Variants in PRKD1 observed in about 807,000 individuals in gnomAD.
The protein encoded by PRKD1 is protein kinase D1.
Under a neutral mutation model 95.9 loss-of-function variants are expected in PRKD1, and 63 were observed. The observed-to-expected ratio is 0.66, with a 90% CI of 0.54 to 0.81. The LOEUF (loss-of-function observed/expected upper bound fraction) is 0.81. PRKD1 is among the 30% of genes least tolerant of loss of function. PRKD1 has a pLI of 0.00. For missense variants in PRKD1, 1,048 were observed against 1,165.3 expected, an observed-to-expected ratio of 0.90 and a Z score of 1.47; for synonymous variants, 425 against 423.1, an observed-to-expected ratio of 1.00 and a Z score of -0.05.
chr14:29,810,931 A>G (rs968766376), intron 1 of PRKD1, among the ~76,000 whole-genome samples: 1 of 152,236 alleles, frequency 6.6e-6, no homozygotes, highest in Non-Finnish European at 1.5e-5. Flanking sequence ...ACATATTTAT[A>G]TCATTATGGG....
chr14:29,802,675 C>A (rs1319234194), intron 1 of PRKD1, among the ~76,000 whole-genome samples: 2 of 152,186 alleles, frequency 1.3e-5, no homozygotes, highest in Non-Finnish European at 2.9e-5. Flanking sequence ...GTGTTTACAT[C>A]AAATTATCCA....
chr14:29,740,294 C>G (rs1886930085), intron 1 of PRKD1, among the ~76,000 whole-genome samples: 2 of 151,972 alleles, frequency 1.3e-5, no homozygotes, highest in Non-Finnish European at 2.9e-5. Context: ...ATTACTTTAA[C>G]AAATTAAAAA....
chr14:29,872,720 T>C (rs949695573), intron 1 of PRKD1, among the ~76,000 whole-genome samples: 1 of 151,960 alleles, frequency 6.6e-6, no homozygotes, highest in African/African-American at 2.4e-5. Context: ...TTCTTGCCCT[T>C]TAGAATATTT....
At chr14:29,921,208 A>T (rs536805380) in intron 1 of PRKD1, among the ~76,000 whole-genome samples, 1 of 152,186 alleles carries the variant, frequency 6.6e-6, no homozygotes, top group African/African-American at 2.4e-5. Flanking sequence ...TGTGTCTTTC[A>T]TTTAGTAATA....
intron 16 of PRKD1, among the ~76,000 whole-genome samples, chr14:29,587,632 T>G (rs1892984000): frequency 6.6e-6 from 1 of 152,168 alleles, no homozygotes; most frequent in Admixed American, 6.5e-5. Context: ...GAACTGTATT[T>G]TGCTTGCTAT....
intron 2 of PRKD1, among the ~76,000 whole-genome samples, chr14:29,707,931 T>G (rs921780525): frequency 6.6e-6 from 1 of 152,148 alleles, no homozygotes; most frequent in Non-Finnish European, 1.5e-5. Context: ...CTCTCAAAAA[T>G]ATCTGGCTAA....
intron 1 of PRKD1, among the ~76,000 whole-genome samples, chr14:29,748,828 A>G (rs1422636981): frequency 6.6e-6 from 1 of 152,240 alleles, no homozygotes; most frequent in Non-Finnish European, 1.5e-5. Flanking sequence ...CCTATCACAT[A>G]TTAAGTTTTC....
chr14:29,634,404 C>T lies in PRKD1; in HGVS notation c.1314+14G>A, dbSNP rs1293967270. 1 of 1,613,834 alleles carries T rather than the reference C, an allele frequency of 6.2e-7. No individual in the cohort carries two copies. Among genetic ancestry groups the T allele is most frequent in the African/African-American group, 1.3e-5 (1 of 74,968 alleles). On this transcript the variant is annotated intron_variant, in intron 8 of 17. Transcript: ENST00000331968. ...CTAGCAAGGCAAGAGAACATTGTTC[C>T]CTGTGGATCTTACCAGCGTGTCCTT...
intron 1 of PRKD1, among the ~76,000 whole-genome samples, chr14:29,762,166 C>T (rs972047991): frequency 6.6e-6 from 1 of 152,136 alleles, no homozygotes; most frequent in Admixed American, 6.6e-5. Flanking sequence ...CTGTACAATT[C>T]TTTGGATAAA....
At chr14:29,641,375 T>G (rs922526677) in intron 4 of PRKD1, among the ~76,000 whole-genome samples, 4 of 152,220 alleles carry the variant, frequency 2.6e-5, no homozygotes, top group African/African-American at 9.6e-5. Flanking sequence ...ATGTCATTAT[T>G]TTCAATATGG....
At chr14:29,673,033 G>A (rs557736366) in intron 2 of PRKD1, among the ~76,000 whole-genome samples, 1 of 152,296 alleles carries the variant, frequency 6.6e-6, no homozygotes, top group South Asian at 2.1e-4. Context: ...GTTAACACGT[G>A]AAGGATCCTT....
intron 1 of PRKD1, among the ~76,000 whole-genome samples, chr14:29,922,919 CT>C (rs1230711310): frequency 2.0e-5 from 3 of 151,952 alleles, no homozygotes; most frequent in Non-Finnish European, 4.4e-5. Flanking sequence ...AATTATATTA[CT>C]TAAGAATCAC....
Position 29,630,927 on chromosome 14 carries a change from G to T in PRKD1, c.1487C>A (p.Thr496Lys). 1 of 1,614,040 alleles carries T rather than the reference G, an allele frequency of 6.2e-7. No individual in the cohort carries two copies. Among genetic ancestry groups the T allele is most frequent in the Non-Finnish European group, 8.5e-7 (1 of 1,179,966 alleles). The change falls in exon 10 of 18, where the codon ACG becomes AAG. Residue 496 changes from threonine to lysine, a missense_variant. Transcript: ENST00000331968. ...GANPHCFEIT[T>K]ANVVYYVGEN... The stretch of plus-strand genomic sequence containing the variant: ...TCCCACATAATACACTACATTTGCC[G>T]TAGTGATTTCGAAACAATGAGGATT...
At chr14:29,829,511 A>T (rs555295806) in intron 1 of PRKD1, among the ~76,000 whole-genome samples, 1 of 152,270 alleles carries the variant, frequency 6.6e-6, no homozygotes, top group Admixed American at 6.5e-5. Context: ...GTGCTTTTTA[A>T]ACCATAAGTA....
intron 1 of PRKD1, among the ~76,000 whole-genome samples, chr14:29,919,558 A>G (rs1416695243): frequency 6.6e-6 from 1 of 152,238 alleles, no homozygotes; most frequent in African/African-American, 2.4e-5. Context: ...GGTTGACAGT[A>G]TTAAAAGAAT....
At chr14:29,796,150 G>C (rs562573278) in intron 1 of PRKD1, among the ~76,000 whole-genome samples, 1 of 152,078 alleles carries the variant, frequency 6.6e-6, no homozygotes, top group East Asian at 1.9e-4. Flanking sequence ...TACTTTGTTA[G>C]GTATATAACC....
At chr14:29,719,276 A>T (rs936878927) in intron 2 of PRKD1, among the ~76,000 whole-genome samples, 1 of 152,152 alleles carries the variant, frequency 6.6e-6, no homozygotes, top group Non-Finnish European at 1.5e-5. Flanking sequence ...TTGTATTATA[A>T]CTATAGAGAA....
chr14:29,720,245 C>T (rs142453739), intron 2 of PRKD1, among the ~76,000 whole-genome samples: 2 of 152,178 alleles, frequency 1.3e-5, no homozygotes, highest in East Asian at 3.9e-4. Context: ...CTAGGGTTAT[C>T]CCCATTTTAC....
intron 2 of PRKD1, among the ~76,000 whole-genome samples, chr14:29,715,892 G>A (rs535830715): frequency 9.9e-5 from 15 of 152,160 alleles, no homozygotes; most frequent in East Asian, 1.9e-4. Flanking sequence ...AGCCACATGC[G>A]TTTTAGAAGC....
Sources: allele counts gnomAD v4.1 joint callset (sites outside exome capture counted in the v4.1 genomes callset), GRCh38; gene constraint gnomAD v4.1.1; transcripts MANE v1.5; gene names NCBI Gene and HGNC (gene_info 2026-07-23, HGNC 2026-07-21).